The following SEMA3D variants were observed in gnomAD, a reference collection of about 807,000 sequenced individuals.
SEMA3D encodes semaphorin 3D.
SEMA3D carries 84 observed loss-of-function variants against 100.1 expected under a neutral mutation model. The observed-to-expected ratio is 0.84, with a 90% CI of 0.70 to 1.01. The LOEUF is 1.01. Ranked by LOEUF, SEMA3D falls within the 50% of genes least tolerant of loss-of-function variation. The pLI is 0.00. For synonymous variants in SEMA3D, 312 were observed against 320.7 expected, an observed-to-expected ratio of 0.97 and a Z score of 0.29; for missense variants, 875 against 934.1, an observed-to-expected ratio of 0.94 and a Z score of 0.82.
chr7:85,128,731 A>T (rs1789634931), intron 2 of SEMA3D, among the ~76,000 whole-genome samples: 1 of 151,768 alleles, frequency 6.6e-6, no homozygotes, highest in Admixed American at 6.6e-5. Flanking sequence ...AATTGTAAAA[A>T]ATTGATTATT....
intron 7 of SEMA3D, among the ~76,000 whole-genome samples, chr7:85,067,446 TCTCA>T (rs1173026307): frequency 1.3e-5 from 2 of 152,152 alleles, no homozygotes; most frequent in African/African-American, 4.8e-5. Flanking sequence ...AATCACTAGT[TCTCA>T]CTAAGTGAAA....
the SEMA3D span, among the ~76,000 whole-genome samples, chr7:85,211,892 T>TAA: frequency 4.6e-5 from 7 of 152,102 alleles, no homozygotes; most frequent in African/African-American, 1.7e-4. Flanking sequence ...ATATAGTATA[T>TAA]AATACATAAA....
intron 3 of SEMA3D, among the ~76,000 whole-genome samples, chr7:85,100,526 C>A (rs1343138897): frequency 1.3e-5 from 2 of 151,772 alleles, no homozygotes; most frequent in East Asian, 3.9e-4. Context: ...TGCTATCTGA[C>A]TTTTAACCAA....
the SEMA3D span, among the ~76,000 whole-genome samples, chr7:85,232,896 C>T: frequency 6.6e-6 from 1 of 152,142 alleles, no homozygotes; most frequent in Admixed American, 6.5e-5. Context: ...CGTTTATATG[C>T]CTGGCCATTA....
At chr7:85,018,487 GT>G (rs1474961077) in intron 14 of SEMA3D, among the ~76,000 whole-genome samples, 194 bp from the exon 15 acceptor site, 1 of 151,628 alleles carries the variant, frequency 6.6e-6, no homozygotes, top group Non-Finnish European at 1.5e-5. Context: ...ATGATAAAAA[GT>G]TATTTTGTAG....
intron 9 of SEMA3D, among the ~76,000 whole-genome samples, chr7:85,044,133 C>T (rs1043272082): frequency 3.3e-5 from 5 of 151,924 alleles, no homozygotes; most frequent in African/African-American, 1.2e-4. Flanking sequence ...GAGAAGTTAA[C>T]TGTTAAGTTT....
upstream of SEMA3D, among the ~76,000 whole-genome samples, chr7:85,189,988 G>T (rs556153599): frequency 3.5e-4 from 53 of 152,144 alleles, no homozygotes; most frequent in African/African-American, 1.2e-3. Context: ...GATGGGTTAG[G>T]GTAGAATAGA....
intron 1 of SEMA3D, among the ~76,000 whole-genome samples, chr7:85,173,615 A>T (rs1208244234): frequency 1.3e-5 from 2 of 152,182 alleles, no homozygotes; most frequent in African/African-American, 4.8e-5. Context: ...TGGGAATTCG[A>T]TCTATTGTAA....
chr7:85,137,473 G>A (rs910981631), intron 2 of SEMA3D, among the ~76,000 whole-genome samples: 15 of 151,896 alleles, frequency 9.9e-5, no homozygotes, highest in African/African-American at 3.4e-4. Context: ...TATCAAAGTT[G>A]TCATCAGTAT....
the SEMA3D span, among the ~76,000 whole-genome samples, chr7:85,199,492 T>C: frequency 1.3e-5 from 2 of 152,308 alleles, no homozygotes; most frequent in African/African-American, 2.4e-5. Flanking sequence ...TTTAGCATTA[T>C]AAAGTATACC....
the SEMA3D span, among the ~76,000 whole-genome samples, chr7:85,209,457 A>T: frequency 6.6e-6 from 1 of 152,012 alleles, no homozygotes; most frequent in Non-Finnish European, 1.5e-5. Flanking sequence ...TGAAGGGATG[A>T]TGGGGAGGAA....
rs568763375 is a variant in SEMA3D at position 85,016,460 on chromosome 7, T to A, written c.1546-1244A>T. Among the ~76,000 whole-genome samples the A allele has an allele frequency of 2.6e-5, 4 of 151,848 alleles. No individual in the cohort carries two copies. In the South Asian group the frequency reaches 8.3e-4, roughly 31 times the overall value. ...CCAAGACAGAAATCTGGGAGTTGTCTTTGAATCTTCTTTCTCTCACATTCA... is the reference window on the plus strand; with the variant it reads ...CCAAGACAGAAATCTGGGAGTTGTCATTGAATCTTCTTTCTCTCACATTCA... On this transcript the variant is annotated intron_variant, in intron 15 of 18. Coordinates refer to ENST00000284136, the MANE Select transcript of SEMA3D (RefSeq NM_001384900.1).
chr7:85,084,222 C>G (rs1788152717), intron 4 of SEMA3D, among the ~76,000 whole-genome samples: 1 of 151,990 alleles, frequency 6.6e-6, no homozygotes, highest in South Asian at 2.1e-4. Flanking sequence ...CTCAAGGTAT[C>G]CTCTCACTTT....
the SEMA3D span, among the ~76,000 whole-genome samples, chr7:85,222,609 C>T: frequency 2.9e-4 from 44 of 152,036 alleles, no homozygotes; most frequent in Non-Finnish European, 4.9e-4. Flanking sequence ...ATATTAACCT[C>T]CCCAACCTCA....
chr7:85,038,444 T>G (rs1790764726), intron 11 of SEMA3D, among the ~76,000 whole-genome samples: 1 of 152,148 alleles, frequency 6.6e-6, no homozygotes, highest in Admixed American at 6.5e-5. Context: ...TTATTGCAGG[T>G]TTATTATGTC....
intron 12 of SEMA3D, among the ~76,000 whole-genome samples, chr7:85,023,064 A>C (rs1790300218): frequency 6.6e-6 from 1 of 151,952 alleles, no homozygotes; most frequent in Admixed American, 6.6e-5. Context: ...CAGTTCACAA[A>C]AATTAATTTC....
intron 1 of SEMA3D, among the ~76,000 whole-genome samples, chr7:85,178,337 A>T (rs1791298288): frequency 6.6e-6 from 1 of 152,224 alleles, no homozygotes; most frequent in Admixed American, 6.5e-5. Context: ...GCTCAGAAGA[A>T]GACAGGAAGA....
chr7:84,996,891 T>G lies in SEMA3D; in HGVS notation c.*2549A>C, dbSNP rs967850751. ...GTATATAGTGTGTTTGTGGATTTAA[T>G]ATATTCATACTCTTTCTCTAAATGT... On this transcript the variant is annotated 3_prime_UTR_variant, in exon 19 of 19. Coordinates refer to ENST00000284136, the MANE Select transcript of SEMA3D (RefSeq NM_001384900.1). 1 of 152,036 alleles carries G rather than the reference T, an allele frequency of 6.6e-6. No homozygotes were observed. The highest frequency in any genetic ancestry group is 1.5e-5 in the Non-Finnish European group (1 of 67,908). 9.4% of individuals were successfully genotyped at this position (152,036 alleles called of 1,614,324 possible).
chr7:85,167,454 T>C, intron 1 of SEMA3D: 1 of 859,896 alleles, frequency 1.2e-6, no homozygotes, highest in Non-Finnish European at 1.4e-6. Flanking sequence ...AAGCTGATAC[T>C]AATGTTGGAC....
Sources: gnomAD v4.1 joint callset for allele counts (sites outside exome capture counted in the v4.1 genomes callset) on GRCh38, gnomAD v4.1.1 for gene constraint, MANE v1.5 for transcripts, NCBI Gene and HGNC (gene_info 2026-07-23, HGNC 2026-07-21) for gene names.